The following USH2A variants were observed in gnomAD, a reference collection of about 807,000 sequenced individuals.
USH2A encodes Usher syndrome 2A (autosomal recessive, mild).
Under a neutral mutation model 538.9 loss-of-function variants are expected in USH2A, and 443 were observed. That is an observed-to-expected ratio of 0.82 (90% CI 0.76 to 0.89). The LOEUF is 0.89. Ranked by LOEUF, USH2A falls within the 40% of genes least tolerant of loss-of-function variation. The pLI, the probability that USH2A is intolerant of heterozygous loss-of-function variation, is 0.00. For synonymous variants in USH2A, 2,413 were observed against 2,273.5 expected, an observed-to-expected ratio of 1.06 and a Z score of -1.75; for missense variants, 6,633 against 6,324.8, an observed-to-expected ratio of 1.05 and a Z score of -1.65.
intron 55 of USH2A, among the ~76,000 whole-genome samples, chr1:215,770,278 G>T (rs1661241466): frequency 6.6e-6 from 1 of 151,938 alleles, no homozygotes; most frequent in South Asian, 2.1e-4. Context: ...GTTACTCAAT[G>T]GCTGCCTTCC....
At chr1:215,844,190 AAAT>A (rs1663774502) in intron 46 of USH2A, 101 bp downstream of exon 46, 2 of 1,246,534 alleles carry the variant, frequency 1.6e-6, no homozygotes, top group Non-Finnish European at 2.3e-6. Context: ...CCCACCAAAG[AAAT>A]AATCTGTAAC....
At chr1:215,789,989 A>G in intron 51 of USH2A, 70 bp downstream of exon 51, 1 of 1,460,150 alleles carries the variant, frequency 6.8e-7, no homozygotes, top group Non-Finnish European at 9.4e-7. Flanking sequence ...TTTTAGAAAA[A>G]TAGTTATGAA....
chr1:215,882,473 T>G (rs1664937392), intron 41 of USH2A, among the ~76,000 whole-genome samples: 1 of 152,198 alleles, frequency 6.6e-6, no homozygotes, highest in South Asian at 2.1e-4. Context: ...ATATTAATCT[T>G]AATTTTTAAT....
At chr1:216,100,534 T>G (rs1049866010) in intron 21 of USH2A, among the ~76,000 whole-genome samples, 10 of 152,184 alleles carry the variant, frequency 6.6e-5, no homozygotes, top group African/African-American at 2.4e-4. Flanking sequence ...TATATTATAA[T>G]AAAACCTATT....
At chr1:215,958,644 C>A (rs751960527) in intron 37 of USH2A, among the ~76,000 whole-genome samples, 2 of 151,964 alleles carry the variant, frequency 1.3e-5, no homozygotes, top group African/African-American at 2.4e-5. Context: ...ATATCCTAAT[C>A]GGTCTTTAAG....
intron 61 of USH2A, among the ~76,000 whole-genome samples, chr1:215,724,099 TC>T (rs1177140271): frequency 2.2e-5 from 3 of 139,096 alleles, no homozygotes; most frequent in Admixed American, 7.4e-5. Context: ...TATATCTATA[TC>T]ATCTATATCT....
chr1:216,281,917 T>C (rs2036790371), intron 11 of USH2A, among the ~76,000 whole-genome samples: 1 of 135,504 alleles, frequency 7.4e-6, no homozygotes, highest in African/African-American at 2.7e-5. Flanking sequence ...GGTTGGGAAG[T>C]GGGCTTGCAC....
intron 64 of USH2A, among the ~76,000 whole-genome samples, chr1:215,663,568 C>T (rs1023930708): frequency 6.6e-6 from 1 of 152,100 alleles, no homozygotes; most frequent in Non-Finnish European, 1.5e-5. Flanking sequence ...AAGCATTTCC[C>T]GCATACCTCA....
At chr1:216,336,212 A>T (rs1045693225) in intron 4 of USH2A, among the ~76,000 whole-genome samples, 3 of 151,526 alleles carry the variant, frequency 2.0e-5, no homozygotes, top group Admixed American at 6.6e-5. Context: ...ACACTTCATG[A>T]TAAAATTTTT....
intron 52 of USH2A, among the ~76,000 whole-genome samples, chr1:215,784,700 T>G (rs554730909): frequency 6.6e-6 from 1 of 152,228 alleles, no homozygotes; most frequent in African/African-American, 2.4e-5. Flanking sequence ...GGAATTATCA[T>G]AGCACCACTT....
chr1:216,324,158 AT>A lies in USH2A; in HGVS notation c.1328+9del. 1 of 1,611,740 alleles carries A rather than the reference AT, an allele frequency of 6.2e-7. No homozygotes were observed. Among genetic ancestry groups the A allele is most frequent in the Non-Finnish European group, 8.5e-7 (1 of 1,178,690 alleles). The stretch of plus-strand genomic sequence containing the variant: ...AGTCTATTAAATTAATTGTTTAAAA[AT>A]ATTCATACTTGGAAAGCTGAAGACA... On this transcript the variant is annotated intron_variant, in intron 7 of 71. Coordinates refer to ENST00000307340, the MANE Select transcript of USH2A (RefSeq NM_206933.4).
At chr1:216,037,029 C>T (rs542423576) in intron 32 of USH2A, among the ~76,000 whole-genome samples, 12 of 152,246 alleles carry the variant, frequency 7.9e-5, no homozygotes, top group Non-Finnish European at 2.9e-5. Flanking sequence ...ATACCAGCCA[C>T]TTAGTCCATC....
chr1:215,680,266 A>AG lies in USH2A; in HGVS notation c.12176_12177insC (p.Gln4060SerfsTer39). On this transcript the variant is annotated frameshift_variant, in exon 62 of 72. Transcript: ENST00000307340. LOFTEE classifies it high-confidence loss of function. ...CACTTGGGGAAGATTCTAAGGTTTG[A>AG]ATCAGAGTCCAAGGGCTTAAAATTT... 6.2e-7 allele frequency: 1 copy of AG among 1,614,154 alleles called. No homozygotes were observed.
At chr1:215,694,129 G>A (rs1025827520) in intron 61 of USH2A, among the ~76,000 whole-genome samples, 8 of 152,198 alleles carry the variant, frequency 5.3e-5, no homozygotes, top group African/African-American at 1.7e-4. Flanking sequence ...GTCTGATTTT[G>A]TTGTTGAGCC....
intron 9 of USH2A, among the ~76,000 whole-genome samples, chr1:216,297,515 C>T (rs2037131110): frequency 6.6e-6 from 1 of 151,958 alleles, no homozygotes; most frequent in African/African-American, 2.4e-5. Context: ...TTATTACATG[C>T]TCAAACCTGA....
At chr1:216,396,215 T>A (rs533725266) in intron 3 of USH2A, among the ~76,000 whole-genome samples, 2 of 152,324 alleles carry the variant, frequency 1.3e-5, no homozygotes, top group South Asian at 4.1e-4. Context: ...AAATGCTTAC[T>A]CATTGCAAAT....
intron 3 of USH2A, among the ~76,000 whole-genome samples, chr1:216,379,653 G>C (rs912752895): frequency 3.3e-5 from 5 of 152,120 alleles, no homozygotes; most frequent in African/African-American, 1.2e-4. Context: ...ATTTCCCAAG[G>C]ATTTCTCTGA....
intron 11 of USH2A, among the ~76,000 whole-genome samples, chr1:216,284,174 C>T (rs1333071908): frequency 6.6e-6 from 1 of 151,778 alleles, no homozygotes; most frequent in Non-Finnish European, 1.5e-5. Context: ...ATTTCTGTTT[C>T]CAAAGAAATC....
chr1:216,079,407 T>G (rs1344112225), intron 26 of USH2A, among the ~76,000 whole-genome samples: 1 of 152,088 alleles, frequency 6.6e-6, no homozygotes, highest in East Asian at 1.9e-4. Flanking sequence ...TTTTGCTCCC[T>G]GGAAATTGGG....
Sources: gnomAD v4.1 joint callset for allele counts (sites outside exome capture counted in the v4.1 genomes callset) on GRCh38, gnomAD v4.1.1 for gene constraint, MANE v1.5 for transcripts, NCBI Gene and HGNC (gene_info 2026-07-23, HGNC 2026-07-21) for gene names.